Variants in KLHL13 observed in about 807,000 individuals in gnomAD.
The protein encoded by KLHL13 is kelch like family member 13.
KLHL13 carries 10 observed loss-of-function variants against 37.1 expected under a neutral mutation model. The observed-to-expected ratio is 0.27, with a 90% CI of 0.17 to 0.46. The LOEUF (loss-of-function observed/expected upper bound fraction) is 0.46. KLHL13 is among the 20% of genes least tolerant of loss of function. The pLI is 1.00. For missense variants in KLHL13, 360 were observed against 509.3 expected, an observed-to-expected ratio of 0.71 and a Z score of 2.82; for synonymous variants, 163 against 181.2, an observed-to-expected ratio of 0.90 and a Z score of 0.81.
At chrX:118,113,729 T>C (rs1157811610) in intron 1 of KLHL13, among the ~76,000 whole-genome samples, 1 of 112,162 alleles carries the variant, frequency 8.9e-6, no homozygotes, top group African/African-American at 3.2e-5. Flanking sequence ...ATTCCCCTAC[T>C]TATTTTCATT....
intron 4 of KLHL13, among the ~76,000 whole-genome samples, chrX:117,910,972 G>T (rs1028488216): frequency 8.9e-6 from 1 of 111,797 alleles, no homozygotes; most frequent in African/African-American, 3.3e-5. Context: ...CCTTTCCTCA[G>T]TAGAACCTCT....
At chrX:118,020,442 A>G (rs909362431) in intron 1 of KLHL13, among the ~76,000 whole-genome samples, 8 of 111,544 alleles carry the variant, frequency 7.2e-5, no homozygotes, top group African/African-American at 2.6e-4. Flanking sequence ...CCACAGTAAG[A>G]TACCATCTCA....
At chrX:117,914,533 G>A (rs1931214734) in intron 4 of KLHL13, among the ~76,000 whole-genome samples, 1 of 111,556 alleles carries the variant, frequency 9.0e-6, no homozygotes, top group African/African-American at 3.3e-5. Flanking sequence ...AGACTAGGAA[G>A]AAATCCAACA....
intron 1 of KLHL13, among the ~76,000 whole-genome samples, chrX:118,066,356 T>A (rs2054793519): frequency 8.9e-6 from 1 of 112,070 alleles, no homozygotes; most frequent in Non-Finnish European, 1.9e-5. Context: ...AGCTTAAATG[T>A]CACTAACAAT....
intron 1 of KLHL13, among the ~76,000 whole-genome samples, chrX:118,012,060 T>C (rs2054076081): frequency 8.9e-6 from 1 of 112,167 alleles, no homozygotes; most frequent in African/African-American, 3.2e-5. Context: ...GTGCCAGCAC[T>C]GAAACTGAGA....
chrX:117,980,569 T>C (rs2053649152), intron 1 of KLHL13, among the ~76,000 whole-genome samples: 1 of 111,676 alleles, frequency 9.0e-6, no homozygotes, highest in Non-Finnish European at 1.9e-5. Context: ...TGGTTAAAAA[T>C]ACTTATAGAG....
chrX:117,914,021 A>T (rs1931173095), intron 4 of KLHL13, among the ~76,000 whole-genome samples: 1 of 110,766 alleles, frequency 9.0e-6, no homozygotes, highest in Non-Finnish European at 1.9e-5. Flanking sequence ...AGGCACTTCC[A>T]ACATCATAAT....
At chrX:117,961,188 A>G (rs2053289296) in intron 1 of KLHL13, among the ~76,000 whole-genome samples, 1 of 111,958 alleles carries the variant, frequency 8.9e-6, no homozygotes, top group Middle Eastern at 4.2e-3. Flanking sequence ...ACAACCCCAG[A>G]TTATAGTTCT....
At chrX:118,085,801 GTGT>G (rs2055048235) in intron 1 of KLHL13, among the ~76,000 whole-genome samples, 2 of 69,865 alleles carry the variant, frequency 2.9e-5, no homozygotes, top group African/African-American at 2.1e-4. Context: ...TCCATGGTGT[GTGT>G]GTGTGTGTGT....
chrX:118,071,252 A>C (rs1264173021), intron 1 of KLHL13, among the ~76,000 whole-genome samples: 1 of 111,762 alleles, frequency 8.9e-6, no homozygotes, highest in Admixed American at 9.5e-5. Context: ...CATGATTTAT[A>C]GTCCTTTGGG....
In KLHL13 at chrX:117,938,781, CCTAT is replaced by C. The variant is rs57465222; in HGVS notation, c.240+6649_240+6652del. 7.9e-3 allele frequency among the ~76,000 whole-genome samples: 872 copies of C among 110,783 alleles called. 6 individuals carry two copies. Among genetic ancestry groups the C allele is most frequent in the African/African-American group, 0.028 (840 of 30,465 alleles). ...AAACACTTCTTCCTCACATACTTTT[CCTAT>C]CTGTTTGACCCCTTATTCTCTCTTC... On this transcript the variant is annotated intron_variant, in intron 2 of 6. Transcript: ENST00000262820.
intron 1 of KLHL13, among the ~76,000 whole-genome samples, chrX:118,035,697 C>T (rs1297476438): frequency 9.0e-6 from 1 of 110,936 alleles, no homozygotes; most frequent in Non-Finnish European, 1.9e-5. Flanking sequence ...CAGGGATGCC[C>T]TCTCTCACCA....
At chrX:118,051,069 CAAT>C (rs2054607507) in intron 1 of KLHL13, among the ~76,000 whole-genome samples, 1 of 110,144 alleles carries the variant, frequency 9.1e-6, no homozygotes, top group Admixed American at 9.8e-5. Context: ...AAAATTAGCA[CAAT>C]GAGAGGCCCA....
chrX:118,061,171 T>C (rs779113053), intron 1 of KLHL13, among the ~76,000 whole-genome samples: 3 of 111,478 alleles, frequency 2.7e-5, no homozygotes, highest in Non-Finnish European at 5.7e-5. Flanking sequence ...TAAATAAAAT[T>C]TGTGGAGGTT....
At chrX:117,926,877 C>A (rs1602556830) in intron 2 of KLHL13, among the ~76,000 whole-genome samples, 1 of 95,124 alleles carries the variant, frequency 1.1e-5, no homozygotes, top group Admixed American at 1.2e-4. Context: ...AGGAGAAGCC[C>A]CCTACTTCTT....
At chrX:118,030,864 A>T (rs2054330580) in intron 1 of KLHL13, among the ~76,000 whole-genome samples, 1 of 111,846 alleles carries the variant, frequency 8.9e-6, no homozygotes, top group South Asian at 3.7e-4. Flanking sequence ...TGCTCATTGT[A>T]AATCAATCTG....
intron 1 of KLHL13, among the ~76,000 whole-genome samples, chrX:118,019,211 C>T (rs1319996398): frequency 6.3e-5 from 7 of 111,606 alleles, no homozygotes; most frequent in Non-Finnish European, 1.3e-4. Context: ...CCCATTTCTT[C>T]CCACTCCTGC....
chrX:117,981,734 G>A (rs1331216785), intron 1 of KLHL13, among the ~76,000 whole-genome samples: 1 of 111,202 alleles, frequency 9.0e-6, no homozygotes, highest in Non-Finnish European at 1.9e-5. Context: ...GGGGTTTCTA[G>A]AAATATCAAT....
At chrX:118,047,033 C>A (rs995857133) in intron 1 of KLHL13, among the ~76,000 whole-genome samples, 2 of 111,395 alleles carry the variant, frequency 1.8e-5, no homozygotes, top group African/African-American at 6.5e-5. Flanking sequence ...GCAAATACAG[C>A]AGGGAGTTAC....
Sources: gnomAD v4.1 joint callset for allele counts (sites outside exome capture counted in the v4.1 genomes callset) on GRCh38, gnomAD v4.1.1 for gene constraint, MANE v1.5 for transcripts, NCBI Gene and HGNC (gene_info 2026-07-23, HGNC 2026-07-21) for gene names.